The following PLEKHG1 variants were observed in gnomAD, a reference collection of about 807,000 sequenced individuals.
PLEKHG1 encodes pleckstrin homology domain-containing family G member 1.
A neutral mutation model predicts 100.8 loss-of-function variants in PLEKHG1; 44 were observed. The observed-to-expected ratio is 0.44, with a 90% CI of 0.34 to 0.56. The LOEUF (loss-of-function observed/expected upper bound fraction) is 0.56. Among genes scored for constraint, PLEKHG1 ranks in the 20% least tolerant of loss-of-function variants. The pLI is 0.01. For missense variants in PLEKHG1, 1,545 were observed against 1,720.9 expected, an observed-to-expected ratio of 0.90 and a Z score of 1.81; for synonymous variants, 640 against 662.5, an observed-to-expected ratio of 0.97 and a Z score of 0.52.
At chr6:150,841,262 C>A in exon 16 of PLEKHG1, 1 of 309,352 alleles carries the variant, frequency 3.2e-6, no homozygotes, top group South Asian at 3.3e-5. Context: ...TAGTTTTATC[C>A]TGTGACTCAA....
rs187388965 is a variant in PLEKHG1, at chr6:150,617,645, G to A, written c.-204+17628G>A. 3.3e-5 allele frequency among the ~76,000 whole-genome samples: 5 copies of A among 152,268 alleles called. No homozygotes were observed. In the East Asian group the frequency reaches 5.8e-4, roughly 18 times the overall value. ...AGGTGTTTATCTCTTTCCGGCTGCCGAAGAAAGTTGAGAACAGTGATCCTG... is the reference window on the plus strand; with the variant it reads ...AGGTGTTTATCTCTTTCCGGCTGCCAAAGAAAGTTGAGAACAGTGATCCTG... On this transcript the variant is annotated intron_variant, in intron 1 of 3. Coordinates refer to the PLEKHG1 transcript ENST00000367326.
At position 150,832,137 on chromosome 6, in the gene PLEKHG1, A is replaced by T. The variant is rs775537218; in HGVS notation, c.3026A>T (p.His1009Leu). The T allele has an allele frequency of 7.4e-6, 12 of 1,613,274 alleles. No individual in the cohort carries two copies. The Admixed American group carries it at 8.4e-5, about 11-fold the overall frequency. The change falls in exon 15 of 16, where the codon CAT (histidine) becomes CTT (leucine). Residue 1009 changes from histidine (H) to leucine (L), a missense_variant. By Grantham distance (99) the His-to-Leu change is moderately conservative. Coordinates refer to ENST00000358517, the Ensembl canonical transcript of PLEKHG1. ...CTGGAGCAGCCGCCGGCCAGTCAGC[A>T]TCAGAAATCCATGCACAAAGACCTG...
intron 6 of PLEKHG1, among the ~76,000 whole-genome samples, chr6:150,801,427 C>CTTTTT (rs1562529984): frequency 7.5e-6 from 1 of 132,952 alleles, no homozygotes. Context: ...ATTCTTTTTT[C>CTTTTT]TTTTCTTTTC....
At chr6:150,840,563 A>G in exon 16 of PLEKHG1, 1 of 1,614,200 alleles carries the variant, frequency 6.2e-7, no homozygotes, top group African/African-American at 1.3e-5. Context: ...AGACTGATGG[A>G]GATGAAGATG....
intron 3 of PLEKHG1, among the ~76,000 whole-genome samples, chr6:150,715,377 T>C (rs1781385598): frequency 6.6e-6 from 1 of 152,170 alleles, no homozygotes; most frequent in Non-Finnish European, 1.5e-5. Context: ...GTACGTTAGC[T>C]CTTATTTACA....
intron 3 of PLEKHG1, among the ~76,000 whole-genome samples, chr6:150,781,104 A>G (rs1167745831): frequency 6.7e-6 from 1 of 150,064 alleles, no homozygotes; most frequent in Admixed American, 6.6e-5. Flanking sequence ...CGAACTCCTG[A>G]CCTCAGGTGA....
rs761654542 is a variant in PLEKHG1, at chr6:150,742,522, G to A, written c.411+8430G>A. On this transcript the variant is annotated intron_variant, in intron 2 of 15. Coordinates refer to ENST00000358517, the Ensembl canonical transcript of PLEKHG1. ...AGAGGTTGCAATGAGCCAAGATAGCGCCATTGCACTCCAGCCTAGGCAATA... is the reference window on the plus strand; with the variant it reads ...AGAGGTTGCAATGAGCCAAGATAGCACCATTGCACTCCAGCCTAGGCAATA... Among the ~76,000 whole-genome samples the A allele has an allele frequency of 1.4e-4, 17 of 125,674 alleles. No individual in the cohort carries two copies. The Admixed American group carries it at 1.5e-3, about 11-fold the overall frequency. The allele number at this position is 125,674 out of a possible 152,430, so 82.4% of individuals were successfully genotyped here. A position where few individuals can be genotyped will look rare whatever the true frequency, so the allele number is the denominator to read the frequency against.
intron 2 of PLEKHG1, among the ~76,000 whole-genome samples, chr6:150,649,306 GTT>G (rs973409665): frequency 1.4e-4 from 21 of 151,984 alleles, no homozygotes; most frequent in Middle Eastern, 3.4e-3. Flanking sequence ...AAGTTTTTTT[GTT>G]TTTCAAAAAT....
intron 10 of PLEKHG1, among the ~76,000 whole-genome samples, chr6:150,817,552 G>T (rs1462470150): frequency 7.2e-6 from 1 of 138,250 alleles, no homozygotes; most frequent in South Asian, 2.2e-4. Context: ...GCAAGAATCT[G>T]CATTTTTTTT....
At chr6:150,693,043 A>G (rs908089978) in intron 3 of PLEKHG1, among the ~76,000 whole-genome samples, 1 of 152,198 alleles carries the variant, frequency 6.6e-6, no homozygotes, top group Admixed American at 6.5e-5. Context: ...TGTAGACCTC[A>G]GGGAACTGTT....
intron 3 of PLEKHG1, among the ~76,000 whole-genome samples, chr6:150,713,509 C>T (rs1781312935): frequency 6.6e-6 from 1 of 152,176 alleles, no homozygotes; most frequent in South Asian, 2.1e-4. Flanking sequence ...GGTCTTACTT[C>T]TTAGAGGTTA....
intron 2 of PLEKHG1, among the ~76,000 whole-genome samples, chr6:150,746,832 A>T (rs1248660355): frequency 6.6e-6 from 1 of 152,206 alleles, no homozygotes; most frequent in Non-Finnish European, 1.5e-5. Flanking sequence ...GTGTAATGGG[A>T]GGGAAGTAGA....
chr6:150,816,703 C>T (rs181664637), intron 10 of PLEKHG1, among the ~76,000 whole-genome samples: 5 of 152,252 alleles, frequency 3.3e-5, no homozygotes, highest in Admixed American at 6.5e-5. Context: ...AAGCCTGCCA[C>T]CAGATGCAGC....
chr6:150,653,479 A>G (rs1383222401), intron 3 of PLEKHG1, among the ~76,000 whole-genome samples: 1 of 152,144 alleles, frequency 6.6e-6, no homozygotes, highest in Non-Finnish European at 1.5e-5. Context: ...GCAGTGGCTC[A>G]CGACTGTAAT....
At chr6:150,703,389 T>A (rs1780878500) in intron 3 of PLEKHG1, among the ~76,000 whole-genome samples, 1 of 152,054 alleles carries the variant, frequency 6.6e-6, no homozygotes, top group Non-Finnish European at 1.5e-5. Flanking sequence ...TCGCTTGAGC[T>A]CAGGAGTTAA....
chr6:150,831,800 C>G lies in PLEKHG1; in HGVS notation c.2689C>G (p.Gln897Glu), dbSNP rs1486207935. Reference sequence around the variant, plus strand: ...GTCCACGCTGTCCCTGCCTGAGAGCCAGGCTCTCCTCACGCCCGTGAAGAG... The same window carrying G: ...GTCCACGCTGTCCCTGCCTGAGAGCGAGGCTCTCCTCACGCCCGTGAAGAG... The change falls in exon 15 of 16, where the codon CAG becomes GAG. Residue 897 changes from glutamine to glutamate, a missense_variant. Coordinates refer to ENST00000358517, the Ensembl canonical transcript of PLEKHG1. This position sits in a 1 kb window ranked among gnomAD's most constrained non-coding sequence, Gnocchi z 4.1. 3 of 1,612,812 alleles carry G rather than the reference C, an allele frequency of 1.9e-6. No individual in the cohort carries two copies. The highest frequency in any genetic ancestry group is 2.5e-6 in the Non-Finnish European group (3 of 1,179,176).
Position 150,600,641 on chromosome 6 carries a change from C to A in PLEKHG1, c.-204+624C>A, listed in dbSNP as rs371729385. Among the ~76,000 whole-genome samples, 58 of 152,312 alleles carry A rather than the reference C, an allele frequency of 3.8e-4. 3 individuals are homozygous for A. In the South Asian group the frequency reaches 0.011, roughly 30 times the overall value. The stretch of plus-strand genomic sequence containing the variant: ...TCAAGAGCCTGTGGCTCTTCCGTCA[C>A]GGGGTAAACGGTAACACCTGGGCGG... On this transcript the variant is annotated intron_variant, in intron 1 of 3. Transcript: ENST00000367326. This position sits in a 1 kb window ranked among gnomAD's most constrained non-coding sequence, Gnocchi z 6.2.
chr6:150,646,104 A>T (rs1261979376), intron 2 of PLEKHG1, among the ~76,000 whole-genome samples: 1 of 152,232 alleles, frequency 6.6e-6, no homozygotes, highest in Admixed American at 6.5e-5. Context: ...ACAATATTGA[A>T]TGGGAGAAAG....
intron 3 of PLEKHG1, among the ~76,000 whole-genome samples, chr6:150,777,755 C>T (rs2128645677): frequency 6.6e-6 from 1 of 151,432 alleles, no homozygotes; most frequent in Non-Finnish European, 1.5e-5. Context: ...TGTGGTTGCA[C>T]ACTACTCACA....
Sources: allele counts gnomAD v4.1 joint callset (sites outside exome capture counted in the v4.1 genomes callset), GRCh38; gene constraint gnomAD v4.1.1; non-coding constraint Gnocchi (gnomAD v3.1); transcripts MANE v1.5; gene names NCBI Gene and HGNC (gene_info 2026-07-23, HGNC 2026-07-21).